KDM6B: variants seen among roughly 807,000 people sequenced by gnomAD.
KDM6B encodes lysine-specific demethylase 6B.
In KDM6B, 22 loss-of-function variants were observed where a neutral mutation model predicts 150.4. The ratio of observed to expected loss-of-function variants is 0.15; its 90% CI spans 0.10 to 0.21. The LOEUF is 0.21. Ranked by LOEUF, KDM6B falls within the 10% of genes least tolerant of loss-of-function variation. The pLI, the probability that KDM6B is intolerant of heterozygous loss-of-function variation, is 1.00. For synonymous variants in KDM6B, 1,148 were observed against 921.1 expected (o/e 1.25, Z -4.46); for missense variants, 1,984 against 2,234.3 (o/e 0.89, Z 2.26).
At chr17:7,850,022 T>C in intron 13 of KDM6B, 50 bp from the exon 14 acceptor site, 6 of 1,613,208 alleles carry the variant, frequency 3.7e-6, no homozygotes, top group African/African-American at 1.3e-5. Context: ...GCTGGGGTGC[T>C]CTGAGCCTGG....
In KDM6B at chr17:7,853,563, G is replaced by C. The variant is rs1183867205; in HGVS notation, c.*42G>C. On this transcript the variant is annotated 3_prime_UTR_variant, in exon 24 of 24. Coordinates refer to ENST00000448097, the MANE Select transcript of KDM6B (RefSeq NM_001348716.2). ...CGCCTGCCTGCCCGCGCAAGGCGCC[G>C]CGGGGCCACCAGCACATGCCTGGGC... 5.8e-6 allele frequency: 8 copies of C among 1,378,764 alleles called. No homozygotes were observed. In the South Asian group the frequency reaches 1.2e-4, roughly 20 times the overall value. 85.4% of individuals were successfully genotyped at this position (1,378,764 alleles called of 1,614,324 possible). A position where few individuals can be genotyped will look rare whatever the true frequency, so the allele number is the denominator to read the frequency against.
Position 7,847,754 on chromosome 17 carries a change from C to T in KDM6B, c.1466C>T (p.Pro489Leu), listed in dbSNP as rs568341022. Residue 489 changes from proline (P) to leucine (L), a missense_variant, in exon 12 of 24, where the codon CCG becomes CTG. Transcript: ENST00000448097. ...PPPPPAWLKG[P>L]ACRAAREDGE... ...CCACCCCCTGCCTGGTTGAAGGGTC[C>T]GGCCTGCCGGGCAGCCCGAGAGGAT... 7.1e-5 allele frequency: 95 copies of T among 1,332,390 alleles called. No homozygotes were observed. In the African/African-American group the frequency reaches 1.1e-3, roughly 15 times the overall value. 82.5% of individuals were successfully genotyped at this position (1,332,390 alleles called of 1,614,324 possible).
chr17:7,854,669 A>C lies in KDM6B; in HGVS notation c.*1148A>C. 6.3e-6 allele frequency: 1 copy of C among 158,306 alleles called. No individual in the cohort carries two copies. The highest frequency in any genetic ancestry group is 1.4e-5 in the Non-Finnish European group (1 of 71,492). 9.8% of individuals were successfully genotyped at this position (158,306 alleles called of 1,614,324 possible). On this transcript the variant is annotated 3_prime_UTR_variant, in exon 24 of 24. Transcript: ENST00000448097. The stretch of plus-strand genomic sequence containing the variant: ...GGGGCTGCGGAGGGGTGGGGGGTTT[A>C]CAGTCCCGCACCCTCGCACTGCACT...
In KDM6B at chr17:7,843,446, G is replaced by A. The variant is rs1298571340; in HGVS notation, c.-268-1455G>A. Among the ~76,000 whole-genome samples the A allele has an allele frequency of 1.3e-5, 2 of 152,210 alleles. No individual in the cohort carries two copies. The highest frequency in any genetic ancestry group is 1.9e-4 in the East Asian group (1 of 5,192). ...GCCCAAGCGACCACAAGGGCTTGGCGGAGAGTGGCACGCAGGGACCTGTAG... is the reference window on the plus strand; with the variant it reads ...GCCCAAGCGACCACAAGGGCTTGGCAGAGAGTGGCACGCAGGGACCTGTAG... On this transcript the variant is annotated intron_variant, in intron 2 of 23. Coordinates refer to ENST00000448097, the MANE Select transcript of KDM6B (RefSeq NM_001348716.2). The surrounding 1 kb of genome is among the most constrained non-coding windows in gnomAD (Gnocchi z 4.5).
rs1176430599 is a variant in KDM6B at position 7,848,606 on chromosome 17, C to T, written c.2318C>T (p.Pro773Leu). Residue 773 changes from proline to leucine, a missense_variant, in exon 12 of 24, where the codon CCA (proline) becomes CTA (leucine). By Grantham distance (98) the Pro-to-Leu change is moderately conservative. Around this residue, in one of 13 missense-constraint regions of KDM6B, gnomAD observed 1,379 missense variants for 1,275.6 expected, o/e 1.08. Coordinates refer to ENST00000448097, the MANE Select transcript of KDM6B (RefSeq NM_001348716.2). The part of the protein sequence containing the change: ...ATQEEEKKPP[P>L]ALPPPPPLAK... ...CAGGAAGAGGAGAAGAAGCCACCAC[C>T]AGCCCTACCACCACCACCGCCTCTA... is the stretch of plus-strand genomic sequence containing the variant. 6.3e-7 allele frequency: 1 copy of T among 1,597,122 alleles called. No individual in the cohort carries two copies. Among genetic ancestry groups the T allele is most frequent in the African/African-American group, 1.3e-5 (1 of 74,388 alleles).
At chr17:7,837,035 T>C (rs997967682) in intron 1 of KDM6B, among the ~76,000 whole-genome samples, 1 of 152,076 alleles carries the variant, frequency 6.6e-6, no homozygotes, top group Non-Finnish European at 1.5e-5. Flanking sequence ...CCTGGAGTTT[T>C]GTGAGGGGGA....
rs2078461323 is a variant in KDM6B, at chr17:7,843,540, C to T, written c.-268-1361C>T. ...GAAGGAAGGCTCTTTTCACCAGAAA[C>T]CCGTCTGCCCTTGTGGGCTGGGTGG... On this transcript the variant is annotated intron_variant, in intron 2 of 23. Transcript: ENST00000448097. The surrounding 1 kb of genome is among the most constrained non-coding windows in gnomAD (Gnocchi z 4.5). Among the ~76,000 whole-genome samples, 1 of 152,220 alleles carries T rather than the reference C, an allele frequency of 6.6e-6. No homozygotes were observed. Among genetic ancestry groups the T allele is most frequent in the African/African-American group, 2.4e-5 (1 of 41,458 alleles).
Position 7,848,687 on chromosome 17 carries a change from C to G in KDM6B, c.2399C>G (p.Pro800Arg). The change falls in exon 12 of 24, where the codon CCG (proline) becomes CGG (arginine). Residue 800 changes from proline to arginine, a missense_variant. Around this residue, in one of 13 missense-constraint regions of KDM6B, gnomAD observed 1,379 missense variants for 1,275.6 expected, o/e 1.08. Coordinates refer to ENST00000448097, the MANE Select transcript of KDM6B (RefSeq NM_001348716.2). ...CCACCACCACCCCCACCCCCCAGCC[C>G]GGCCAGCCTGCTCAAATCCTTGGCC... is the stretch of plus-strand genomic sequence containing the variant. ...PQPPPPPPPS[P>R]ASLLKSLASV... The G allele has an allele frequency of 6.2e-7, 1 of 1,612,072 alleles. No homozygotes were observed. The highest frequency in any genetic ancestry group is 8.5e-7 in the Non-Finnish European group (1 of 1,179,840).
At position 7,851,347 on chromosome 17, in the gene KDM6B, G is replaced by A. The variant is rs151046433; in HGVS notation, c.3897G>A (p.Glu1299=). 102 of 1,614,160 alleles carry A rather than the reference G, an allele frequency of 6.3e-5. No individual in the cohort carries two copies. The East Asian group carries it at 1.7e-3, about 27-fold the overall frequency. The part of the protein sequence containing the change: ...QESLQEEKES[E]DEESEEPDST... ...CTGAACAGGAGGAGAAGGAGAGTGA[G>A]GATGAGGAGTCAGAGGAGCCAGACA... Residue 1299 remains glutamate, a synonymous_variant, in exon 16 of 24, where the codon GAG becomes GAA. Transcript: ENST00000448097.
intron 21 of KDM6B, 121 bp downstream of exon 21, chr17:7,852,757 T>TA: frequency 6.9e-7 from 1 of 1,448,344 alleles, no homozygotes; most frequent in Non-Finnish European, 9.6e-7. Flanking sequence ...CCCCGAGTGT[T>TA]ACTGTGTTGG....
At chr17:7,851,580 G>A in intron 17 of KDM6B, 31 bp downstream of exon 17, 1 of 1,612,706 alleles carries the variant, frequency 6.2e-7, no homozygotes, top group Non-Finnish European at 8.5e-7. Context: ...GGAAGTTGGG[G>A]CAGGAGTGCT....
At chr17:7,850,012 G>T in intron 13 of KDM6B, 60 bp from the exon 14 acceptor site, 1 of 1,613,422 alleles carries the variant, frequency 6.2e-7, no homozygotes, top group Admixed American at 1.7e-5. Flanking sequence ...GTTGGGGACT[G>T]CTGGGGTGCT....
rs1241498614 is a variant in KDM6B at position 7,846,731 on chromosome 17, C to T, written c.702C>T (p.Asn234=). ...GAGGCAAGCGAAGGAGAGGCTGCAACTCTGAACAGGTGTGGGTATAGGGGG... is the reference window on the plus strand; with the variant it reads ...GAGGCAAGCGAAGGAGAGGCTGCAATTCTGAACAGGTGTGGGTATAGGGGG... ...SPGGKRRRGC[N]SEQTGLPPGL... The change falls in exon 9 of 24, where the codon AAC becomes AAT. Residue 234 remains asparagine, a synonymous_variant. Coordinates refer to ENST00000448097, the MANE Select transcript of KDM6B (RefSeq NM_001348716.2). 5 of 1,614,084 alleles carry T rather than the reference C, an allele frequency of 3.1e-6. No individual in the cohort carries two copies. The highest frequency in any genetic ancestry group is 2.2e-5 in the East Asian group (1 of 44,880).
rs1158283741 is a variant in KDM6B at position 7,851,557 on chromosome 17, G to T, written c.4016+8G>T. 1 of 1,613,738 alleles carries T rather than the reference G, an allele frequency of 6.2e-7. No homozygotes were observed. The highest frequency in any genetic ancestry group is 1.1e-5 in the South Asian group (1 of 91,008). The stretch of plus-strand genomic sequence containing the variant: ...CTTGTCTGATGCTAAGCGGTCAGTG[G>T]GGCTGAGGCCAGGGAAGTTGGGGCA... On this transcript the variant is annotated splice_region_variant and intron_variant, in intron 17 of 23. Coordinates refer to ENST00000448097, the MANE Select transcript of KDM6B (RefSeq NM_001348716.2).
chr17:7,845,608 C>T lies in KDM6B; in HGVS notation c.54C>T (p.Ala18=). The T allele has an allele frequency of 6.2e-7, 1 of 1,614,176 alleles. No homozygotes were observed. The highest frequency in any genetic ancestry group is 8.5e-7 in the Non-Finnish European group (1 of 1,180,026). The change falls in exon 5 of 24, where the codon GCC becomes GCT. Residue 18 remains alanine, a synonymous_variant. Transcript: ENST00000448097. ...PGARAAREAF[A]LGGLSCAGAW... ...CCCGCGCTGCACGGGAAGCCTTTGC[C>T]CTTGGGGGCCTGAGCTGTGCTGGGG...
Position 7,846,154 on chromosome 17 carries a change from G to A in KDM6B, c.313G>A (p.Ala105Thr), listed in dbSNP as rs570277992. 1 of 1,608,694 alleles carries A rather than the reference G, an allele frequency of 6.2e-7. No individual in the cohort carries two copies. Among genetic ancestry groups the A allele is most frequent in the Middle Eastern group, 1.7e-4 (1 of 6,028 alleles). Residue 105 changes from alanine (A) to threonine (T), a missense_variant, in exon 7 of 24, where the codon GCC becomes ACC. Ala to Thr is a moderately conservative substitution (Grantham distance 58). Around this residue, in one of 13 missense-constraint regions of KDM6B, gnomAD observed 337 missense variants for 323.9 expected, o/e 1.04. Coordinates refer to ENST00000448097, the MANE Select transcript of KDM6B (RefSeq NM_001348716.2). ...GCVQALLREP[A>T]QPGLWEQLGQ... ...TGTGCAGGCATTGCTCCGGGAGCCA[G>A]CCCAGCCAGGGCTTTGGGAACAGCT...
In KDM6B at chr17:7,846,441, A is replaced by G; in HGVS notation, c.498A>G (p.Arg166=). 6.5e-7 allele frequency: 1 copy of G among 1,544,682 alleles called. No individual in the cohort carries two copies. The highest frequency in any genetic ancestry group is 8.8e-7 in the Non-Finnish European group (1 of 1,141,632). The change falls in exon 8 of 24, where the codon CGA becomes CGG. Residue 166 remains arginine (R), a synonymous_variant. Coordinates refer to ENST00000448097, the MANE Select transcript of KDM6B (RefSeq NM_001348716.2). ...WNFHTGSCQH[R]AKVLPPLEQV... is the part of the protein sequence containing the mutation. ...TTCATACTGGCTCCTGCCAGCACCG[A>G]GCCAAGGTCCTGCCCCCACTGGAGC...
rs1003473017 is a variant in KDM6B, at chr17:7,843,756, G to A, written c.-268-1145G>A. Among the ~76,000 whole-genome samples the A allele has an allele frequency of 7.9e-5, 12 of 152,066 alleles. No individual in the cohort carries two copies. The highest frequency in any genetic ancestry group is 2.4e-4 in the African/African-American group (10 of 41,406). On this transcript the variant is annotated intron_variant, in intron 2 of 23. Transcript: ENST00000448097. This position sits in a 1 kb window ranked among gnomAD's most constrained non-coding sequence, Gnocchi z 4.5. ...TTGTACTCTAGACTCTCAATGGACC[G>A]ATCCCGGGAGCCGAGTCGGCTCCCT...
At chr17:7,842,509 C>G (rs866264861) in intron 2 of KDM6B, among the ~76,000 whole-genome samples, 2 of 152,194 alleles carry the variant, frequency 1.3e-5, no homozygotes, top group African/African-American at 2.4e-5. Flanking sequence ...GTCCGTGGTT[C>G]CCTTCCCTTG....
Sources: allele counts gnomAD v4.1 joint callset (sites outside exome capture counted in the v4.1 genomes callset), GRCh38; gene constraint gnomAD v4.1.1; regional missense constraint gnomAD v4.1.1; non-coding constraint Gnocchi (gnomAD v3.1); transcripts MANE v1.5; gene names NCBI Gene and HGNC (gene_info 2026-07-23, HGNC 2026-07-21).